CDH23: variants seen among roughly 807,000 people sequenced by gnomAD.
CDH23 encodes cadherin-23.
In CDH23, 189 loss-of-function variants were observed where a neutral mutation model predicts 317.1. The ratio of observed to expected loss-of-function variants is 0.60; its 90% CI spans 0.53 to 0.67. CDH23 has a LOEUF of 0.67. Ranked by LOEUF, CDH23 falls within the 30% of genes least tolerant of loss-of-function variation. The probability of loss-of-function intolerance (pLI) is 0.00; values close to 1 mark genes in which losing one functional copy is unlikely to be tolerated. For missense variants in CDH23, 4,401 were observed against 4,592.4 expected (o/e 0.96, Z 1.20); for synonymous variants, 1,839 against 1,876.8 (o/e 0.98, Z 0.52).
In CDH23 at chr10:71,566,822, C is replaced by T. The variant is rs143341423; in HGVS notation, c.510C>T (p.Ser170=). The T allele has an allele frequency of 1.5e-3, 2,421 of 1,613,992 alleles. 35 individuals carry two copies. In the East Asian group the frequency reaches 0.038, roughly 25 times the overall value. ...GGGCAGGGGGCAGCGTCCTCTACTC[C>T]TTCCAGCCCCCCTCCCAATTCTTCG... ...DLGAGGSVLY[S]FQPPSQFFAI... Residue 170 remains serine, a synonymous_variant, in exon 7 of 70, where the codon TCC becomes TCT. Transcript: ENST00000224721.
At chr10:71,805,672 G>A in intron 55 of CDH23, 134 bp from the exon 56 acceptor site, 1 of 853,650 alleles carries the variant, frequency 1.2e-6, no homozygotes, top group Non-Finnish European at 1.8e-6. Flanking sequence ...CGAGCAGGCA[G>A]GCGCTCCTGG....
chr10:71,531,315 G>T (rs1416353329), intron 6 of CDH23, among the ~76,000 whole-genome samples: 1 of 152,154 alleles, frequency 6.6e-6, no homozygotes, highest in East Asian at 1.9e-4. Flanking sequence ...CTAGCTTTTT[G>T]CCAGTGCAAA....
rs1172568068 is a variant in CDH23 at position 71,812,052 on chromosome 10, G to A, written c.9380+37G>A. On this transcript the variant is annotated intron_variant, in intron 66 of 69. Coordinates refer to ENST00000224721, the MANE Select transcript of CDH23 (RefSeq NM_022124.6). ...ACTGGCCCTGCCCGGTCCCCTGCGG[G>A]GAGTCCTGCCAGGACCCAGCTGGGG... The A allele has an allele frequency of 1.9e-6, 3 of 1,613,810 alleles. No homozygotes were observed. The Admixed American group carries it at 5.0e-5, about 27-fold the overall frequency.
chr10:71,579,109 G>A (rs141434851), intron 9 of CDH23, among the ~76,000 whole-genome samples: 7 of 152,278 alleles, frequency 4.6e-5, no homozygotes, highest in South Asian at 4.1e-4. Flanking sequence ...CTTAGTTAAC[G>A]TATGTAAAGT....
chr10:71,812,448 C>G, intron 66 of CDH23, 32 bp from the exon 67 acceptor site: 1 of 1,222,912 alleles, frequency 8.2e-7, no homozygotes, highest in Non-Finnish European at 1.1e-6. Context: ...AGCCTTCCCT[C>G]CCTCCCCACC....
chr10:71,723,908 C>G, intron 28 of CDH23, 137 bp from the exon 29 acceptor site: 1 of 943,678 alleles, frequency 1.1e-6, no homozygotes, highest in Non-Finnish European at 1.7e-6. Context: ...TCTCCCACAC[C>G]CCCAGCCTCT....
chr10:71,791,874 C>A (rs1445140419), intron 47 of CDH23, among the ~76,000 whole-genome samples: 1 of 152,096 alleles, frequency 6.6e-6, no homozygotes, highest in Non-Finnish European at 1.5e-5. Flanking sequence ...CCACGCCTGG[C>A]CTACAAGATT....
intron 23 of CDH23, 66 bp downstream of exon 23, chr10:71,702,277 C>A: frequency 6.5e-7 from 1 of 1,537,110 alleles, no homozygotes. Flanking sequence ...GGTGACTGGG[C>A]CTCTGGGGTA....
chr10:71,438,968 G>T (rs777458934), intron 1 of CDH23, among the ~76,000 whole-genome samples: 7 of 152,150 alleles, frequency 4.6e-5, no homozygotes, highest in Non-Finnish European at 8.8e-5. Flanking sequence ...GTCACTGCTG[G>T]GCTCTAGGGA....
At chr10:71,555,445 T>G (rs1242739220) in intron 6 of CDH23, among the ~76,000 whole-genome samples, 1 of 152,224 alleles carries the variant, frequency 6.6e-6, no homozygotes, top group Non-Finnish European at 1.5e-5. Flanking sequence ...GTCACTGTTA[T>G]GAACTTTGGT....
intron 9 of CDH23, among the ~76,000 whole-genome samples, chr10:71,594,018 C>T (rs1341377858): frequency 6.6e-6 from 1 of 152,140 alleles, no homozygotes; most frequent in Non-Finnish European, 1.5e-5. Context: ...TGCTTGACCC[C>T]AGGAGTTTGA....
At chr10:71,453,934 GA>G (rs550481894) in intron 3 of CDH23, among the ~76,000 whole-genome samples, 2 of 151,758 alleles carry the variant, frequency 1.3e-5, no homozygotes, top group Non-Finnish European at 2.9e-5. Context: ...TCAGCTCTAC[GA>G]AAAAAAATAT....
chr10:71,621,182 AGTCCAT>A (rs1861450309), intron 11 of CDH23, among the ~76,000 whole-genome samples: 2 of 152,262 alleles, frequency 1.3e-5, no homozygotes, highest in African/African-American at 2.4e-5. Flanking sequence ...GTTTCTTGCC[AGTCCAT>A]TTCTGAGGAA....
At chr10:71,590,064 A>G (rs1005666033) in intron 9 of CDH23, among the ~76,000 whole-genome samples, 60 of 152,312 alleles carry the variant, frequency 3.9e-4, no homozygotes, top group Non-Finnish European at 7.6e-4. Flanking sequence ...CCCTGCCCTG[A>G]GCACTTGAGC....
intron 9 of CDH23, among the ~76,000 whole-genome samples, chr10:71,585,161 C>T (rs575420060): frequency 2.0e-5 from 3 of 152,102 alleles, no homozygotes; most frequent in African/African-American, 7.2e-5. Flanking sequence ...GGAACCGAGT[C>T]AGCAGGCTCT....
intron 6 of CDH23, among the ~76,000 whole-genome samples, chr10:71,556,841 C>T (rs980345513): frequency 2.0e-5 from 3 of 152,144 alleles, no homozygotes; most frequent in African/African-American, 7.2e-5. Flanking sequence ...CATGCCTATA[C>T]ATTGTTTTAG....
At chr10:71,690,872 C>T (rs1373529306) in intron 20 of CDH23, among the ~76,000 whole-genome samples, 1 of 152,232 alleles carries the variant, frequency 6.6e-6, no homozygotes, top group Middle Eastern at 3.2e-3. Context: ...ACACACCCCT[C>T]TTCAGGAACA....
intron 38 of CDH23, chr10:71,749,700 C>T (rs1342552220): frequency 1.3e-5 from 2 of 152,620 alleles, no homozygotes; most frequent in Admixed American, 6.5e-5. Flanking sequence ...TTGGGCCTAA[C>T]TGGGGGGCTT....
At position 71,529,865 on chromosome 10, in the gene CDH23, T is replaced by C. The variant is rs117563824; in HGVS notation, c.429+18653T>C. On this transcript the variant is annotated intron_variant, in intron 6 of 69. Transcript: ENST00000224721. Reference sequence around the variant, plus strand: ...GAAGGGTTAAGCTAGGACAGGCCCCTCTCACCCAGCCTGGGGTGGGAACAG... The same window carrying C: ...GAAGGGTTAAGCTAGGACAGGCCCCCCTCACCCAGCCTGGGGTGGGAACAG... Among the ~76,000 whole-genome samples the C allele has an allele frequency of 9.5e-4, 144 of 152,014 alleles. 2 individuals are homozygous for C. The East Asian group carries it at 0.025, about 26-fold the overall frequency.
Sources: allele counts gnomAD v4.1 joint callset (sites outside exome capture counted in the v4.1 genomes callset), GRCh38; gene constraint gnomAD v4.1.1; transcripts MANE v1.5; gene names NCBI Gene and HGNC (gene_info 2026-07-23, HGNC 2026-07-21).